SURF2: variants seen among roughly 807,000 people sequenced by gnomAD.
SURF2 encodes surfeit 2.
In SURF2, 32 loss-of-function variants were observed where a neutral mutation model predicts 26.2. The observed-to-expected ratio is 1.22, with a 90% CI of 0.92 to 1.64. SURF2 has a LOEUF of 1.64. Among genes scored for constraint, SURF2 ranks in the 40% most tolerant of loss-of-function variants. SURF2 has a pLI of 0.00. For synonymous variants in SURF2, 173 were observed against 139.1 expected, an observed-to-expected ratio of 1.24 and a Z score of -1.71; for missense variants, 415 against 341.6, an observed-to-expected ratio of 1.21 and a Z score of -1.69.
intron 1 of SURF2, 43 bp downstream of exon 1, chr9:133,356,713 AGTTGGGAT>A (rs2130029805): frequency 1.6e-6 from 2 of 1,230,890 alleles, no homozygotes; most frequent in Non-Finnish European, 2.1e-6. Context: ...AGAAGGGCGC[AGTTGGGAT>A]GAGGGGCTGA....
chr9:133,356,680 G>A lies in SURF2; in HGVS notation c.78+10G>A, dbSNP rs1000578270. 5 of 1,511,674 alleles carry A rather than the reference G, an allele frequency of 3.3e-6. No homozygotes were observed. The African/African-American group carries it at 7.1e-5, about 21-fold the overall frequency. 93.6% of individuals were successfully genotyped at this position (1,511,674 alleles called of 1,614,324 possible). On this transcript the variant is annotated intron_variant, in intron 1 of 5. Coordinates refer to ENST00000371964, the MANE Select transcript of SURF2 (RefSeq NM_017503.5). ...GACGGACGCCCGCAAGGTTCGCAGC[G>A]CGGGAGGGGAACGGAGTGGCGGAGA...
Position 133,360,954 on chromosome 9 carries a change from G to A in SURF2, c.688-102G>A, listed in dbSNP as rs2130055603. On this transcript the variant is annotated intron_variant, in intron 5 of 5. Coordinates refer to ENST00000371964, the MANE Select transcript of SURF2 (RefSeq NM_017503.5). ...AGAAAGCCTCTGTGGGTATTTGACC[G>A]ACACCTCTGAGGCTGTGTGGGTGGG... is the stretch of plus-strand genomic sequence containing the variant. The A allele has an allele frequency of 3.5e-5, 43 of 1,233,702 alleles. No individual in the cohort carries two copies. In the Admixed American group the frequency reaches 4.3e-4, roughly 12 times the overall value. 76.4% of individuals were successfully genotyped at this position (1,233,702 alleles called of 1,614,324 possible).
intron 1 of SURF2, 74 bp downstream of exon 1, chr9:133,356,744 G>A (rs1836608207): frequency 6.9e-7 from 1 of 1,440,518 alleles, no homozygotes; most frequent in Admixed American, 2.3e-5. Context: ...GGAGGGCAGG[G>A]GAGAGGAGAG....
chr9:133,356,707 G>C, intron 1 of SURF2, 37 bp downstream of exon 1: 3 of 1,493,394 alleles, frequency 2.0e-6, no homozygotes, highest in South Asian at 2.5e-5. Context: ...TGGCGGAGAA[G>C]GGCGCAGTTG....
rs201774272 is a variant in SURF2 at position 133,360,085 on chromosome 9, A to C, written c.473A>C (p.Glu158Ala). The C allele has an allele frequency of 6.8e-6, 11 of 1,613,614 alleles. No homozygotes were observed. In the Admixed American group the frequency reaches 1.8e-4, roughly 27 times the overall value. Residue 158 changes from glutamate (E) to alanine (A), a missense_variant, in exon 4 of 6, where the codon GAG becomes GCG. By Grantham distance (107) the Glu-to-Ala change is moderately radical (BLOSUM62 -1). Coordinates refer to ENST00000371964, the MANE Select transcript of SURF2 (RefSeq NM_017503.5). ...EAFWEPTSSD[E>A]GGAASDDSMT... ...TTCTGGGAGCCCACATCCAGTGATGAGGGGGGAGCTGCAAGTGATGACAGC... is the reference window on the plus strand; with the variant it reads ...TTCTGGGAGCCCACATCCAGTGATGCGGGGGGAGCTGCAAGTGATGACAGC...
Position 133,356,652 on chromosome 9 carries a change from C to G in SURF2, c.60C>G (p.Leu20=). The G allele has an allele frequency of 6.6e-7, 1 of 1,526,262 alleles. No homozygotes were observed. The highest frequency in any genetic ancestry group is 8.7e-7 in the Non-Finnish European group (1 of 1,143,450). 94.5% of individuals were successfully genotyped at this position (1,526,262 alleles called of 1,614,324 possible). The part of the protein sequence containing the change: ...AFLREHPSLR[L]QTDARKVRCI... ...TGCGGGAGCACCCGAGCCTGCGGCT[C>G]CAGACGGACGCCCGCAAGGTTCGCA... Residue 20 remains leucine (L), a synonymous_variant, in exon 1 of 6, where the codon CTC becomes CTG. Coordinates refer to ENST00000371964, the MANE Select transcript of SURF2 (RefSeq NM_017503.5).
chr9:133,360,464 C>A, intron 5 of SURF2, 30 bp downstream of exon 5: 1 of 1,561,552 alleles, frequency 6.4e-7, no homozygotes. Context: ...GTTAGTGTGG[C>A]AGTGGCTTCC....
chr9:133,359,808 G>A, intron 3 of SURF2, 142 bp from the exon 4 acceptor site: 2 of 993,078 alleles, frequency 2.0e-6, no homozygotes, highest in South Asian at 3.4e-5. Context: ...ACAGAGCTGA[G>A]GCACCCAGCA....
chr9:133,357,846 G>A (rs2130037328), intron 3 of SURF2, 32 bp downstream of exon 3: 60 of 1,600,602 alleles, frequency 3.7e-5, no homozygotes, highest in Non-Finnish European at 4.5e-5. Context: ...TCAGTGCATC[G>A]CCATCTGAGT....
Position 133,356,588 on chromosome 9 carries a change from C to T in SURF2, c.-5C>T. 2.6e-6 allele frequency: 4 copies of T among 1,518,680 alleles called. No homozygotes were observed. The highest frequency in any genetic ancestry group is 2.0e-5 in the Admixed American group (1 of 49,812). 94.1% of individuals were successfully genotyped at this position (1,518,680 alleles called of 1,614,324 possible). ...CCGCCGGGCTGCTCCGCGGGCGCGT[C>T]GGCCATGAGCGAGTTGCCGGGCGAC... is the stretch of plus-strand genomic sequence containing the variant. On this transcript the variant is annotated 5_prime_UTR_variant, in exon 1 of 6. Coordinates refer to ENST00000371964, the MANE Select transcript of SURF2 (RefSeq NM_017503.5).
At chr9:133,357,616 A>G (rs1836642832) in intron 2 of SURF2, 95 bp from the exon 3 acceptor site, 1 of 1,215,578 alleles carries the variant, frequency 8.2e-7, no homozygotes, top group Non-Finnish European at 1.2e-6. Context: ...TCCAAGCCGC[A>G]TGGTAGACTG....
intron 5 of SURF2, 39 bp downstream of exon 5, chr9:133,360,473 C>T (rs2130052460): frequency 6.5e-7 from 1 of 1,531,210 alleles, no homozygotes; most frequent in South Asian, 1.2e-5. Context: ...GCAGTGGCTT[C>T]CCCTAGTGAT....
rs2130051134 is a variant in SURF2, at chr9:133,360,401, C to G, written c.654C>G (p.Thr218=). 1 of 1,612,336 alleles carries G rather than the reference C, an allele frequency of 6.2e-7. No homozygotes were observed. The highest frequency in any genetic ancestry group is 1.1e-5 in the South Asian group (1 of 91,002). Residue 218 remains threonine, a synonymous_variant, in exon 5 of 6, where the codon ACC becomes ACG. Transcript: ENST00000371964. The part of the protein sequence containing the change: ...KATDEGRRET[T]VYRGLVQKRG... The stretch of plus-strand genomic sequence containing the variant: ...CTGATGAGGGCAGGAGAGAGACGAC[C>G]GTGTACCGAGGGCTGGTCCAGAAGC...
intron 2 of SURF2, 84 bp downstream of exon 2, chr9:133,357,152 C>G (rs1215619952): frequency 1.4e-6 from 2 of 1,399,372 alleles, no homozygotes; most frequent in Non-Finnish European, 1.9e-6. Flanking sequence ...GCAGCCCCTA[C>G]TCTTTCAGAG....
At chr9:133,357,399 G>A (rs2130034024) in intron 2 of SURF2, among the ~76,000 whole-genome samples, 1 of 152,168 alleles carries the variant, frequency 6.6e-6, no homozygotes, top group Non-Finnish European at 1.5e-5. Context: ...TGTAATAATC[G>A]TCAAAACAGA....
rs2130050692 is a variant in SURF2 at position 133,360,368 on chromosome 9, G to A, written c.621G>A (p.Glu207=). The A allele has an allele frequency of 3.7e-6, 6 of 1,613,972 alleles. No homozygotes were observed. In the South Asian group the frequency reaches 6.6e-5, roughly 18 times the overall value. ...KEDEKAKPPR[E]KATDEGRRET... ...ATGAGAAGGCAAAGCCCCCAAGAGA[G>A]AAGGCCACTGATGAGGGCAGGAGAG... The change falls in exon 5 of 6, where the codon GAG becomes GAA. Residue 207 remains glutamate (E), a synonymous_variant. Transcript: ENST00000371964.
chr9:133,356,719 G>A, intron 1 of SURF2, 49 bp downstream of exon 1: 6 of 1,440,162 alleles, frequency 4.2e-6, no homozygotes, highest in Non-Finnish European at 5.5e-6. Flanking sequence ...GCGCAGTTGG[G>A]ATGAGGGGCT....
chr9:133,359,806 G>A, intron 3 of SURF2, 144 bp from the exon 4 acceptor site: 2 of 979,156 alleles, frequency 2.0e-6, no homozygotes, highest in Non-Finnish European at 2.9e-6. Context: ...GAACAGAGCT[G>A]AGGCACCCAG....
chr9:133,356,579 C>G lies in SURF2; in HGVS notation c.-14C>G. The G allele has an allele frequency of 6.6e-7, 1 of 1,516,742 alleles. No individual in the cohort carries two copies. The highest frequency in any genetic ancestry group is 8.8e-7 in the Non-Finnish European group (1 of 1,139,814). The allele number at this position is 1,516,742 out of a possible 1,614,324, so 94.0% of individuals were successfully genotyped here. Reference sequence around the variant, plus strand: ...GAGCGGCTTCCGCCGGGCTGCTCCGCGGGCGCGTCGGCCATGAGCGAGTTG... The same window carrying G: ...GAGCGGCTTCCGCCGGGCTGCTCCGGGGGCGCGTCGGCCATGAGCGAGTTG... On this transcript the variant is annotated 5_prime_UTR_variant, in exon 1 of 6. Transcript: ENST00000371964.
Sources: gnomAD v4.1 joint callset for allele counts (sites outside exome capture counted in the v4.1 genomes callset) on GRCh38, gnomAD v4.1.1 for gene constraint, MANE v1.5 for transcripts, NCBI Gene and HGNC (gene_info 2026-07-23, HGNC 2026-07-21) for gene names.